The following WDR88 variants were observed in gnomAD, a reference collection of about 807,000 sequenced individuals.
WDR88 encodes WD repeat domain 88.
A neutral mutation model predicts 46.8 loss-of-function variants in WDR88; 40 were observed. The observed-to-expected ratio is 0.86, with a 90% confidence interval of 0.66 to 1.11. The LOEUF is 1.11. Ranked by LOEUF, WDR88 falls within the 50% of genes most tolerant of loss-of-function variation. The pLI is 0.00. For synonymous variants in WDR88, 235 were observed against 240.7 expected, an observed-to-expected ratio of 0.98 and a Z score of 0.22; for missense variants, 562 against 602.4, an observed-to-expected ratio of 0.93 and a Z score of 0.70.
chr19:33,133,769 C>T (rs554906034), intron 1 of WDR88, among the ~76,000 whole-genome samples: 1 of 152,324 alleles, frequency 6.6e-6, no homozygotes, highest in South Asian at 2.1e-4. Context: ...GACCTACAAG[C>T]AGGTCTGGCC....
intron 9 of WDR88, among the ~76,000 whole-genome samples, chr19:33,170,030 A>G (rs555337321): frequency 6.6e-6 from 1 of 151,042 alleles, no homozygotes; most frequent in Admixed American, 6.6e-5. Flanking sequence ...GGCATGCACC[A>G]CCACGCCTGG....
chr19:33,175,521 A>G lies in WDR88; in HGVS notation c.1368A>G (p.Ser456=), dbSNP rs1481391081. The G allele has an allele frequency of 6.2e-7, 1 of 1,614,224 alleles. No individual in the cohort carries two copies. Among genetic ancestry groups the G allele is most frequent in the Admixed American group, 1.7e-5 (1 of 60,030 alleles). Residue 456 remains serine, a synonymous_variant, in exon 11 of 11, where the codon TCA becomes TCG. Transcript: ENST00000355868. ...CAGCAGATACTTCATCGTCATCATC[A>G]TCATCGGAAAGGGAGAACTCACCGC... ...GLPADTSSSS[S]SSERENSPPP...
chr19:33,144,791 C>T (rs1205496881), intron 2 of WDR88, 53 bp from the exon 3 acceptor site: 29 of 1,553,158 alleles, frequency 1.9e-5, no homozygotes, highest in Non-Finnish European at 2.5e-5. Flanking sequence ...TTTACGACTT[C>T]AGCAAACACG....
chr19:33,167,503 G>A lies in WDR88; in HGVS notation c.1149+3238G>A, dbSNP rs1419374836. 3.9e-5 allele frequency among the ~76,000 whole-genome samples: 6 copies of A among 152,042 alleles called. No homozygotes were observed. In the East Asian group the frequency reaches 5.8e-4, roughly 15 times the overall value. ...CTAAAATTTTTCTTCCCTAAGATCA[G>A]GATCAGGACAAGGATGCCTACTTTC... On this transcript the variant is annotated intron_variant, in intron 9 of 10. Coordinates refer to ENST00000355868, the MANE Select transcript of WDR88 (RefSeq NM_173479.4).
In WDR88 at chr19:33,160,302, T is replaced by C. The variant is rs1295122674; in HGVS notation, c.998-112T>C. 8 of 1,017,520 alleles carry C rather than the reference T, an allele frequency of 7.9e-6. No individual in the cohort carries two copies. In the East Asian group the frequency reaches 1.7e-4, roughly 21 times the overall value. The allele number at this position is 1,017,520 out of a possible 1,614,324, so 63.0% of individuals were successfully genotyped here. ...GAGCCACTCCAGGAAGGGGTTTCAG[T>C]GTTGTCAGAGTGAGATGAGGTGGTG... On this transcript the variant is annotated intron_variant, in intron 7 of 10. Transcript: ENST00000355868.
At chr19:33,174,752 C>T in intron 10 of WDR88, 2 of 985,438 alleles carry the variant, frequency 2.0e-6, no homozygotes, top group Non-Finnish European at 2.4e-6. Context: ...GGGCGGGACA[C>T]TCACCCCCAT....
intron 10 of WDR88, among the ~76,000 whole-genome samples, chr19:33,173,943 C>T (rs894096049): frequency 3.3e-5 from 5 of 152,146 alleles, no homozygotes; most frequent in Non-Finnish European, 5.9e-5. Flanking sequence ...CTCCGCCTCC[C>T]GGGTTCAAGC....
chr19:33,166,423 CTA>C (rs1472804107), intron 9 of WDR88, among the ~76,000 whole-genome samples: 1 of 151,598 alleles, frequency 6.6e-6, no homozygotes, highest in Admixed American at 6.6e-5. Flanking sequence ...AACCCTGTCT[CTA>C]TAAAAAATTA....
intron 3 of WDR88, among the ~76,000 whole-genome samples, chr19:33,147,353 A>G (rs1193965775): frequency 2.0e-5 from 3 of 152,182 alleles, no homozygotes; most frequent in Non-Finnish European, 4.4e-5. Context: ...CTATAATACT[A>G]GCACTTTGGG....
chr19:33,147,328 C>G (rs1280715205), intron 3 of WDR88, among the ~76,000 whole-genome samples: 1 of 152,046 alleles, frequency 6.6e-6, no homozygotes, highest in South Asian at 2.1e-4. Context: ...TTTGGCCAGG[C>G]GCGGTGGTTC....
At chr19:33,168,069 C>G (rs933965345) in intron 9 of WDR88, among the ~76,000 whole-genome samples, 1 of 149,018 alleles carries the variant, frequency 6.7e-6, no homozygotes, top group Non-Finnish European at 1.5e-5. Flanking sequence ...GCTCTGTCAC[C>G]CAGGCTGGCG....
At chr19:33,168,184 T>G (rs1257894304) in intron 9 of WDR88, among the ~76,000 whole-genome samples, 1 of 152,042 alleles carries the variant, frequency 6.6e-6, no homozygotes, top group African/African-American at 2.4e-5. Context: ...TGTGCCACCA[T>G]GCTCGGCTAA....
In WDR88 at chr19:33,132,325, G is replaced by A. The variant is rs1293948062; in HGVS notation, c.156G>A (p.Thr52=). Residue 52 remains threonine (T), a synonymous_variant, in exon 1 of 11, where the codon ACG becomes ACA. Transcript: ENST00000355868. ...LGRFKLSIPH[T]HLLATLDPLA... ...GCTTCAAGCTGTCGATCCCGCACAC[G>A]CACCTGCTGGCCACCCTCGACCCCC... 1.2e-6 allele frequency: 2 copies of A among 1,613,944 alleles called. No individual in the cohort carries two copies. The highest frequency in any genetic ancestry group is 2.2e-5 in the East Asian group (1 of 44,896).
chr19:33,138,799 C>T (rs542821744), intron 2 of WDR88, among the ~76,000 whole-genome samples: 41 of 151,732 alleles, frequency 2.7e-4, no homozygotes, highest in African/African-American at 8.9e-4. Context: ...TCTCCTGCCT[C>T]AGCCTCCCTA....
Position 33,175,482 on chromosome 19 carries a change from T to C in WDR88, c.1329T>C (p.Asp443=), listed in dbSNP as rs751636197. The C allele has an allele frequency of 5.0e-6, 8 of 1,614,188 alleles. 1 individual carries two copies. Among genetic ancestry groups the C allele is most frequent in the South Asian group, 2.2e-5 (2 of 91,080 alleles). Reference sequence around the variant, plus strand: ...CCCAATGCGTGTTCTGCCGGATAGATACAAGGGGCTTGCCAGCAGATACTT... The same window carrying C: ...CCCAATGCGTGTTCTGCCGGATAGACACAAGGGGCTTGCCAGCAGATACTT... ...MFTQCVFCRI[D]TRGLPADTSS... The change falls in exon 11 of 11, where the codon GAT becomes GAC. Residue 443 remains aspartate (D), a synonymous_variant. Coordinates refer to ENST00000355868, the MANE Select transcript of WDR88 (RefSeq NM_173479.4).
chr19:33,143,235 T>A (rs1973437267), intron 2 of WDR88, among the ~76,000 whole-genome samples: 2 of 148,420 alleles, frequency 1.3e-5, no homozygotes, highest in African/African-American at 5.0e-5. Flanking sequence ...CTCGGGAAGT[T>A]GAGATGGGAG....
Position 33,132,375 on chromosome 19 carries a change from C to G in WDR88, c.206C>G (p.Pro69Arg), listed in dbSNP as rs1225536837. ...DPLALDREPPPHLLPEKHQVP... is the reference protein window; with the variant it reads ...DPLALDREPPRHLLPEKHQVP... The stretch of plus-strand genomic sequence containing the variant: ...CTGGCCTTGGACAGGGAACCACCAC[C>G]GCATCTGTTGCCTGAGAAGCACCAG... The change falls in exon 1 of 11, where the codon CCG becomes CGG. Residue 69 changes from proline to arginine, a missense_variant. Coordinates refer to ENST00000355868, the MANE Select transcript of WDR88 (RefSeq NM_173479.4). 8.1e-6 allele frequency: 13 copies of G among 1,614,090 alleles called. No homozygotes were observed. The highest frequency in any genetic ancestry group is 1.1e-5 in the Non-Finnish European group (13 of 1,180,050).
At chr19:33,170,314 AT>A (rs1291981005) in intron 9 of WDR88, among the ~76,000 whole-genome samples, 3 of 152,096 alleles carry the variant, frequency 2.0e-5, no homozygotes, top group Non-Finnish European at 2.9e-5. Context: ...AGTAGCTGGG[AT>A]TACAAGGTGC....
At chr19:33,134,381 G>C (rs1438768695) in intron 1 of WDR88, among the ~76,000 whole-genome samples, 1 of 151,656 alleles carries the variant, frequency 6.6e-6, no homozygotes, top group Non-Finnish European at 1.5e-5. Context: ...TGTAGAGAGG[G>C]GGAGTCTCGC....
Sources: gnomAD v4.1 joint callset for allele counts (sites outside exome capture counted in the v4.1 genomes callset) on GRCh38, gnomAD v4.1.1 for gene constraint, MANE v1.5 for transcripts, NCBI Gene and HGNC (gene_info 2026-07-23, HGNC 2026-07-21) for gene names.